Variants in TENM3 observed in about 807,000 individuals in gnomAD.
TENM3 encodes the protein teneurin-3.
Under a neutral mutation model 255.1 loss-of-function variants are expected in TENM3, and 63 were observed. That is an observed-to-expected ratio of 0.25 (90% CI 0.20 to 0.30). The LOEUF (loss-of-function observed/expected upper bound fraction) is 0.30, where lower values mean the gene tolerates loss of function less well. Among genes scored for constraint, TENM3 ranks in the 10% least tolerant of loss-of-function variants. The pLI is 1.00. For synonymous variants in TENM3, 1,306 were observed against 1,322.3 expected, an observed-to-expected ratio of 0.99 and a Z score of 0.27; for missense variants, 2,929 against 3,461.1, an observed-to-expected ratio of 0.85 and a Z score of 3.86.
At chr4:181,917,559 G>T in the TENM3 span, among the ~76,000 whole-genome samples, 1 of 151,630 alleles carries the variant, frequency 6.6e-6, no homozygotes, top group Non-Finnish European at 1.5e-5. Context: ...GGGAGCAAGA[G>T]TTCTGCACCA....
the TENM3 span, among the ~76,000 whole-genome samples, chr4:181,767,973 G>A: frequency 3.3e-5 from 5 of 152,168 alleles, no homozygotes; most frequent in East Asian, 7.7e-4. Flanking sequence ...TTAAATTAAT[G>A]CATATTGACA....
At chr4:181,593,079 C>T in the TENM3 span, among the ~76,000 whole-genome samples, 1 of 152,142 alleles carries the variant, frequency 6.6e-6, no homozygotes, top group African/African-American at 2.4e-5. Flanking sequence ...TCTTGAAGCC[C>T]AAATCTTCCA....
the TENM3 span, among the ~76,000 whole-genome samples, chr4:181,794,505 T>C: frequency 6.6e-6 from 1 of 152,164 alleles, no homozygotes; most frequent in African/African-American, 2.4e-5. Context: ...GAATTTGACT[T>C]TTTTAGATTC....
intron 3 of TENM3, among the ~76,000 whole-genome samples, chr4:182,560,083 T>G (rs983475526): frequency 1.4e-4 from 21 of 151,336 alleles, no homozygotes; most frequent in Non-Finnish European, 1.2e-4. Flanking sequence ...AAAAAAGGTT[T>G]TTTTTTTTTT....
intron 3 of TENM3, among the ~76,000 whole-genome samples, chr4:182,568,756 G>A (rs553812902): frequency 2.8e-4 from 42 of 152,142 alleles, no homozygotes; most frequent in African/African-American, 9.4e-4. Context: ...GTAGGAGAAG[G>A]GATTGTGATA....
Position 182,293,488 on chromosome 4 carries a change from C to T in TENM3, c.-75-30458C>T, listed in dbSNP as rs118167085. Among the ~76,000 whole-genome samples, 33 of 152,266 alleles carry T rather than the reference C, an allele frequency of 2.2e-4. No homozygotes were observed. In the East Asian group the frequency reaches 6.0e-3, roughly 28 times the overall value. On this transcript the variant is annotated intron_variant, in intron 1 of 27. Transcript: ENST00000511685. ...TCTTCCTCTTTCTCTTTCTCCTGCT[C>T]TTTCTTCCTTTCTTGAGATGTCAAA...
In TENM3 at chr4:182,556,714, T is replaced by C. The variant is rs1371219835; in HGVS notation, c.512-44210T>C. ...GGGAAATCTTAAGAGGGCACCCACG[T>C]TGCATTATAAAGCAAACACTGAAAT... is the stretch of plus-strand genomic sequence containing the variant. On this transcript the variant is annotated intron_variant, in intron 3 of 27. Coordinates refer to ENST00000511685, the MANE Select transcript of TENM3 (RefSeq NM_001080477.4). 3.3e-5 allele frequency among the ~76,000 whole-genome samples: 5 copies of C among 152,174 alleles called. No homozygotes were observed. In the East Asian group the frequency reaches 9.6e-4, roughly 29 times the overall value.
chr4:181,924,063 G>A, the TENM3 span, among the ~76,000 whole-genome samples: 1 of 152,052 alleles, frequency 6.6e-6, no homozygotes, highest in South Asian at 2.1e-4. Context: ...CTGTTTTCTG[G>A]GGCTATTTCT....
chr4:181,995,396 A>G, the TENM3 span, among the ~76,000 whole-genome samples: 3 of 152,316 alleles, frequency 2.0e-5, no homozygotes, highest in South Asian at 4.1e-4. Flanking sequence ...TTCAATAACA[A>G]TGGGGTGAGT....
At chr4:182,359,643 A>T in intron 3 of TENM3, among the ~76,000 whole-genome samples, 1 of 137,876 alleles carries the variant, frequency 7.3e-6, no homozygotes, top group Non-Finnish European at 1.6e-5. Flanking sequence ...GCAGTCTATC[A>T]ATTTTGTTGA....
intron 1 of TENM3, among the ~76,000 whole-genome samples, chr4:182,207,441 C>A (rs150226739): frequency 6.6e-6 from 1 of 152,178 alleles, no homozygotes; most frequent in African/African-American, 2.4e-5. Context: ...AAACAGGACT[C>A]CAAAGCTTAA....
chr4:182,594,575 G>A (rs1314243340), intron 3 of TENM3, among the ~76,000 whole-genome samples: 1 of 152,118 alleles, frequency 6.6e-6, no homozygotes, highest in African/African-American at 2.4e-5. Context: ...ATTTGCTTGT[G>A]TGTTCTCACT....
intron 3 of TENM3, among the ~76,000 whole-genome samples, chr4:182,378,165 T>G (rs17073211): frequency 0.16 from 23,812 of 152,110 alleles, 3,168 homozygotes; most frequent in African/African-American, 0.36. Flanking sequence ...GGCAGTGAGC[T>G]CGGGTAAGTG....
intron 3 of TENM3, among the ~76,000 whole-genome samples, chr4:182,590,731 TG>T (rs1393614606): frequency 2.7e-5 from 4 of 148,070 alleles, no homozygotes; most frequent in Non-Finnish European, 4.5e-5. Flanking sequence ...GGTGCACACT[TG>T]TATTCCCAAC....
intron 1 of TENM3, among the ~76,000 whole-genome samples, chr4:182,236,305 T>C (rs4241745): frequency 0.63 from 96,398 of 152,060 alleles, 31,997 homozygotes; most frequent in Non-Finnish European, 0.75. Context: ...AAAGAATGCC[T>C]CCTGATAGAC....
chr4:182,040,564 C>G, the TENM3 span, among the ~76,000 whole-genome samples: 1 of 152,152 alleles, frequency 6.6e-6, no homozygotes, highest in Non-Finnish European at 1.5e-5. Context: ...TCTATTTAAT[C>G]TTTTGTGCTC....
At chr4:182,049,377 T>TAGA in the TENM3 span, among the ~76,000 whole-genome samples, 1 of 151,932 alleles carries the variant, frequency 6.6e-6, no homozygotes, top group Admixed American at 6.5e-5. Flanking sequence ...TGTAGCCAGT[T>TAGA]AGAAGACTTG....
At chr4:181,905,038 A>T in the TENM3 span, among the ~76,000 whole-genome samples, 3 of 152,182 alleles carry the variant, frequency 2.0e-5, no homozygotes, top group Non-Finnish European at 4.4e-5. Flanking sequence ...CCCCAGCCAC[A>T]TGGAACTGTA....
chr4:182,739,817 C>G (rs1761463690), intron 18 of TENM3, among the ~76,000 whole-genome samples: 1 of 152,212 alleles, frequency 6.6e-6, no homozygotes, highest in South Asian at 2.1e-4. Context: ...AGGTGGATCA[C>G]TTGACGTCAG....
Sources: allele counts gnomAD v4.1 joint callset (sites outside exome capture counted in the v4.1 genomes callset), GRCh38; gene constraint gnomAD v4.1.1; transcripts MANE v1.5; gene names NCBI Gene and HGNC (gene_info 2026-07-23, HGNC 2026-07-21).